SCN2A: variants seen among roughly 807,000 people sequenced by gnomAD.
SCN2A encodes sodium voltage-gated channel alpha subunit 2, also known as sodium channel protein type 2 subunit alpha.
Under a neutral mutation model 188.7 loss-of-function variants are expected in SCN2A, and 20 were observed. That is an observed-to-expected ratio of 0.11 (90% CI 0.07 to 0.15). The LOEUF (loss-of-function observed/expected upper bound fraction) is 0.15, where lower values mean the gene tolerates loss of function less well. Among genes scored for constraint, SCN2A ranks in the 10% least tolerant of loss-of-function variants. The pLI, the probability that SCN2A is intolerant of heterozygous loss-of-function variation, is 1.00. For synonymous variants in SCN2A, 804 were observed against 833.1 expected, an observed-to-expected ratio of 0.97 and a Z score of 0.60; for missense variants, 1,278 against 2,445.0, an observed-to-expected ratio of 0.52 and a Z score of 10.07.
chr2:165,272,705 T>C (rs1417946709), intron 1 of SCN2A: 3 of 151,720 alleles, frequency 2.0e-5, no homozygotes, highest in Non-Finnish European at 4.4e-5. Flanking sequence ...AAAAGGCCCC[T>C]TTTTACAAAA....
At chr2:165,377,525 G>T in intron 22 of SCN2A, 72 bp from the exon 23 acceptor site, 2 of 1,284,704 alleles carry the variant, frequency 1.6e-6, no homozygotes, top group South Asian at 1.3e-5. Context: ...ATAGAATTTT[G>T]ATCAATTATT....
At chr2:165,329,894 T>C (rs1435231559) in intron 13 of SCN2A, among the ~76,000 whole-genome samples, 1 of 152,138 alleles carries the variant, frequency 6.6e-6, no homozygotes, top group African/African-American at 2.4e-5. Context: ...TTAAGGGAAA[T>C]GGAAACAAAC....
At position 165,323,337 on chromosome 2, in the gene SCN2A, G is replaced by A; in HGVS notation, c.1853G>A (p.Gly618Glu). The A allele has an allele frequency of 6.2e-7, 1 of 1,614,184 alleles. No individual in the cohort carries two copies. Among genetic ancestry groups the A allele is most frequent in the Non-Finnish European group, 8.5e-7 (1 of 1,180,032 alleles). Residue 618 changes from glycine (G) to glutamate (E), a missense_variant, in exon 12 of 27, where the codon GGA (glycine) becomes GAA (glutamate). Transcript: ENST00000375437. ...TCTCTGTTCGTGCCGCACAGACATG[G>A]AGAACGGCGCCACAGCAATGTCAGC... ...RDSLFVPHRHGERRHSNVSQA... is the reference protein window; with the variant it reads ...RDSLFVPHRHEERRHSNVSQA...
intron 1 of SCN2A, among the ~76,000 whole-genome samples, chr2:165,261,586 A>G (rs746407384): frequency 1.3e-5 from 2 of 152,228 alleles, no homozygotes; most frequent in African/African-American, 4.8e-5. Flanking sequence ...AAATAAGGTG[A>G]ATCACCTCAA....
intron 16 of SCN2A, among the ~76,000 whole-genome samples, chr2:165,349,940 A>G (rs1459364459): frequency 6.6e-6 from 1 of 152,244 alleles, no homozygotes; most frequent in African/African-American, 2.4e-5. Context: ...CTTTTAACAC[A>G]CATGAACTAT....
intron 1 of SCN2A, among the ~76,000 whole-genome samples, chr2:165,264,263 G>T (rs1420970986): frequency 6.6e-6 from 1 of 152,110 alleles, no homozygotes; most frequent in Non-Finnish European, 1.5e-5. Context: ...CTATGATCAA[G>T]TGGGTTTTGT....
intron 3 of SCN2A, among the ~76,000 whole-genome samples, chr2:165,301,241 T>C (rs570304388): frequency 8.3e-4 from 126 of 151,758 alleles, no homozygotes; most frequent in African/African-American, 2.8e-3. Flanking sequence ...ATTGGAGGAG[T>C]TGAGGAGTTA....
At position 165,354,339 on chromosome 2, in the gene SCN2A, G is replaced by A. The variant is rs1397215259; in HGVS notation, c.3067G>A (p.Glu1023Lys). 1 of 1,614,008 alleles carries A rather than the reference G, an allele frequency of 6.2e-7. No homozygotes were observed. The highest frequency in any genetic ancestry group is 8.5e-7 in the Non-Finnish European group (1 of 1,179,966). Residue 1023 changes from glutamate (E) to lysine (K), a missense_variant, in exon 17 of 27, where the codon GAA becomes AAA. This residue lies in a region of SCN2A where 228 missense variants were observed against 297.3 expected (regional missense o/e 0.77). Transcript: ENST00000375437. ...GIDFVKRKIREFIQKAFVRKQ... is the reference protein window; with the variant it reads ...GIDFVKRKIRKFIQKAFVRKQ... ...CGATTTTGTTAAAAGAAAAATACGT[G>A]AATTTATTCAGAAAGCCTTTGTTAG...
chr2:165,253,693 T>C (rs1238162012), intron 1 of SCN2A, among the ~76,000 whole-genome samples: 1 of 152,090 alleles, frequency 6.6e-6, no homozygotes. Flanking sequence ...CTGGTCTATA[T>C]AGTCACATTA....
intron 1 of SCN2A, among the ~76,000 whole-genome samples, chr2:165,251,342 A>G (rs953903962): frequency 5.3e-5 from 8 of 152,236 alleles, no homozygotes; most frequent in South Asian, 2.1e-4. Flanking sequence ...TAGAAAACAA[A>G]ACAAAAGAAA....
intron 1 of SCN2A, among the ~76,000 whole-genome samples, chr2:165,287,783 A>C (rs13397667): frequency 0.02 from 3,084 of 152,258 alleles, 100 homozygotes; most frequent in African/African-American, 0.068. Flanking sequence ...GCAGGTGGGC[A>C]CACTGCAAAT....
chr2:165,262,126 CTTTTA>C (rs1553559259), intron 1 of SCN2A, among the ~76,000 whole-genome samples: 2 of 151,924 alleles, frequency 1.3e-5, no homozygotes, highest in Non-Finnish European at 2.9e-5. Flanking sequence ...CTTTTTTTCA[CTTTTA>C]TTTTAAGTGA....
chr2:165,265,707 G>T (rs1266398496), intron 1 of SCN2A, among the ~76,000 whole-genome samples: 3 of 150,410 alleles, frequency 2.0e-5, no homozygotes, highest in African/African-American at 7.3e-5. Flanking sequence ...AAACAACACA[G>T]TATTCTTTCT....
chr2:165,377,525 G>C (rs1411115676), intron 22 of SCN2A, 72 bp from the exon 23 acceptor site: 2 of 1,284,706 alleles, frequency 1.6e-6, no homozygotes, highest in Admixed American at 3.5e-5. Context: ...ATAGAATTTT[G>C]ATCAATTATT....
At chr2:165,387,065 T>A (rs369822124) in intron 26 of SCN2A, 49 bp downstream of exon 26, 2 of 1,577,714 alleles carry the variant, frequency 1.3e-6, no homozygotes, top group South Asian at 1.1e-5. Context: ...GGTAAAAATA[T>A]GTGTTTTAAA....
intron 1 of SCN2A, among the ~76,000 whole-genome samples, chr2:165,288,249 T>G (rs1037768294): frequency 1.3e-5 from 2 of 152,174 alleles, no homozygotes; most frequent in Non-Finnish European, 1.5e-5. Flanking sequence ...AAATCCAGAT[T>G]CAGTGATTAA....
At chr2:165,294,034 A>G (rs1696358587) in intron 1 of SCN2A, 2 of 929,090 alleles carry the variant, frequency 2.2e-6, no homozygotes, top group Non-Finnish European at 2.5e-6. Context: ...AAAAAAAAAA[A>G]AAAAGATTTT....
rs555243657 is a variant in SCN2A, at chr2:165,339,632, C to T, written c.2389-2664C>T. ...TCGAGACACCTATTACTAAAAACCT[C>T]AAAACATGGCTGAGAATAATTACAG... On this transcript the variant is annotated intron_variant, in intron 14 of 26. Coordinates refer to ENST00000375437, the MANE Select transcript of SCN2A (RefSeq NM_001040142.2). 9.2e-5 allele frequency among the ~76,000 whole-genome samples: 14 copies of T among 152,174 alleles called. No homozygotes were observed. The East Asian group carries it at 2.5e-3, about 27-fold the overall frequency.
chr2:165,355,249 A>C (rs1276996840), intron 17 of SCN2A, among the ~76,000 whole-genome samples: 4 of 152,166 alleles, frequency 2.6e-5, no homozygotes, highest in African/African-American at 9.7e-5. Flanking sequence ...AATCACACTA[A>C]AAACATATTT....
Sources: allele counts gnomAD v4.1 joint callset (sites outside exome capture counted in the v4.1 genomes callset), GRCh38; gene constraint gnomAD v4.1.1; regional missense constraint gnomAD v4.1.1; transcripts MANE v1.5; gene names NCBI Gene and HGNC (gene_info 2026-07-23, HGNC 2026-07-21).